CSMD1: variants seen among roughly 807,000 people sequenced by gnomAD.
The protein encoded by CSMD1 is CUB and sushi domain-containing protein 1.
In CSMD1, 213 loss-of-function variants were observed where a neutral mutation model predicts 417.5. The observed-to-expected ratio is 0.51, with a 90% CI of 0.46 to 0.57. CSMD1 has a LOEUF of 0.57. Among genes scored for constraint, CSMD1 ranks in the 20% least tolerant of loss-of-function variants. The pLI is 0.00. For synonymous variants in CSMD1, 2,862 were observed against 1,736.8 expected (o/e 1.65, Z -16.11); for missense variants, 6,923 against 4,529.7 (o/e 1.53, Z -15.17).
At chr8:4,295,115 CACACATATAATCTTAAGATTAT>C (rs1797589602) in intron 3 of CSMD1, among the ~76,000 whole-genome samples, 1 of 87,352 alleles carries the variant, frequency 1.1e-5, no homozygotes, top group Non-Finnish European at 2.9e-5. Flanking sequence ...CTTAAGATTA[CACACATATAATCTTAAGATTAT>C]ATAATCTTAA....
intron 3 of CSMD1, among the ~76,000 whole-genome samples, chr8:4,270,658 C>T (rs1039559238): frequency 2.0e-5 from 3 of 152,194 alleles, no homozygotes; most frequent in Admixed American, 2.0e-4. Context: ...GATCGCGTGT[C>T]TGCCAATGTA....
At chr8:3,840,781 C>G (rs694323) in intron 5 of CSMD1, among the ~76,000 whole-genome samples, 11 of 150,376 alleles carry the variant, frequency 7.3e-5, no homozygotes, top group Non-Finnish European at 1.6e-4. Flanking sequence ...CTGCAACGTC[C>G]GCCTCCTGGG....
In CSMD1 at chr8:3,516,757, G is replaced by A. The variant is rs530662315; in HGVS notation, c.1345-23031C>T. Among the ~76,000 whole-genome samples the A allele has an allele frequency of 5.9e-5, 9 of 152,206 alleles. No homozygotes were observed. In the South Asian group the frequency reaches 1.9e-3, roughly 32 times the overall value. On this transcript the variant is annotated intron_variant, in intron 10 of 69. Transcript: ENST00000635120. The stretch of plus-strand genomic sequence containing the variant: ...ATGCCTCACCACAGCAGTATACACT[G>A]CACCTTATCTGTAGTTACATAACTA...
At chr8:3,819,981 A>T (rs532318336) in intron 5 of CSMD1, among the ~76,000 whole-genome samples, 1 of 152,264 alleles carries the variant, frequency 6.6e-6, no homozygotes, top group South Asian at 2.1e-4. Context: ...CTGTCCCCAG[A>T]CTTGAATCCC....
In CSMD1 at chr8:3,223,741, A is replaced by G; in HGVS notation, c.4472T>C (p.Leu1491Ser). 6.2e-7 allele frequency: 1 copy of G among 1,613,926 alleles called. No individual in the cohort carries two copies. The highest frequency in any genetic ancestry group is 8.5e-7 in the Non-Finnish European group (1 of 1,179,820). ...CAAGAGACGGTACCTTTTGAATATC[A>G]AGGCGATGACAAAGTCCGGGTTCAC... ...VKVNPDFVIA[L>S]IFKSFNMEPS... Residue 1491 changes from leucine (L) to serine (S), a missense_variant, in exon 28 of 70, where the codon TTG (leucine) becomes TCG (serine). By Grantham distance (145) the Leu-to-Ser change is moderately radical. Coordinates refer to ENST00000635120, the MANE Select transcript of CSMD1 (RefSeq NM_033225.6).
At chr8:3,931,144 C>T (rs1012492499) in intron 5 of CSMD1, among the ~76,000 whole-genome samples, 11 of 150,572 alleles carry the variant, frequency 7.3e-5, no homozygotes, top group African/African-American at 2.7e-4. Context: ...TAGATAATTT[C>T]AGCTAAACAT....
intron 5 of CSMD1, chr8:3,949,911 A>G: frequency 2.2e-6 from 1 of 455,922 alleles, no homozygotes; most frequent in South Asian, 1.5e-5. Flanking sequence ...GGGAAGCTCC[A>G]GGTGTTGAGG....
intron 1 of CSMD1, among the ~76,000 whole-genome samples, chr8:4,741,907 C>A (rs1471841307): frequency 6.6e-6 from 1 of 150,488 alleles, no homozygotes; most frequent in Non-Finnish European, 1.5e-5. Context: ...GATCACAGCT[C>A]ACTGCAGCTT....
At chr8:3,483,687 AAG>A (rs1817866852) in intron 11 of CSMD1, among the ~76,000 whole-genome samples, 1 of 152,178 alleles carries the variant, frequency 6.6e-6, no homozygotes, top group South Asian at 2.1e-4. Context: ...ACAAAAAAGA[AAG>A]AGAAAACTAT....
intron 49 of CSMD1, among the ~76,000 whole-genome samples, chr8:3,071,326 G>A (rs1301059588): frequency 5.3e-5 from 8 of 152,052 alleles, no homozygotes; most frequent in Admixed American, 5.2e-4. Flanking sequence ...ACAGGGAAGG[G>A]AACATCACAC....
intron 2 of CSMD1, among the ~76,000 whole-genome samples, chr8:4,573,905 C>A (rs557496357): frequency 7.0e-4 from 107 of 152,264 alleles, no homozygotes; most frequent in African/African-American, 2.4e-3. Context: ...AACTTCCTGG[C>A]AGCTATGTTT....
chr8:3,500,233 A>T (rs543777920), intron 10 of CSMD1, among the ~76,000 whole-genome samples: 6 of 152,148 alleles, frequency 3.9e-5, no homozygotes, highest in Admixed American at 6.5e-5. Context: ...TGCACTTGAC[A>T]TGTGCTTACC....
chr8:3,926,049 C>CAT (rs1219105288), intron 5 of CSMD1, among the ~76,000 whole-genome samples: 4 of 37,382 alleles, frequency 1.1e-4, no homozygotes, highest in African/African-American at 7.9e-4. Context: ...ACACAAACAC[C>CAT]ATATACACAC....
intron 1 of CSMD1, among the ~76,000 whole-genome samples, chr8:4,810,018 T>C (rs1049529003): frequency 3.3e-5 from 5 of 152,228 alleles, no homozygotes; most frequent in African/African-American, 9.6e-5. Flanking sequence ...TGCCAAGTGC[T>C]TAGAATGAGG....
At chr8:3,466,803 G>C (rs1244205229) in intron 12 of CSMD1, among the ~76,000 whole-genome samples, 1 of 151,944 alleles carries the variant, frequency 6.6e-6, no homozygotes, top group African/African-American at 2.4e-5. Flanking sequence ...ACGCATAAAG[G>C]TCACTTTTAT....
intron 6 of CSMD1, among the ~76,000 whole-genome samples, chr8:3,713,517 C>A (rs1178149289): frequency 6.6e-6 from 1 of 152,126 alleles, no homozygotes; most frequent in East Asian, 1.9e-4. Context: ...GCCCCAGCCC[C>A]CACAGCCAGA....
intron 51 of CSMD1, among the ~76,000 whole-genome samples, chr8:3,022,400 T>C (rs891643577): frequency 6.6e-6 from 1 of 152,216 alleles, no homozygotes; most frequent in South Asian, 2.1e-4. Flanking sequence ...GCGTCCGGAA[T>C]GCACGTGCAA....
chr8:3,023,960 G>A (rs374766506), intron 51 of CSMD1, among the ~76,000 whole-genome samples: 15 of 152,184 alleles, frequency 9.9e-5, no homozygotes, highest in African/African-American at 3.4e-4. Flanking sequence ...AACATAGAGA[G>A]TGACACTGTG....
intron 21 of CSMD1, among the ~76,000 whole-genome samples, chr8:3,354,967 G>C (rs1406412242): frequency 1.3e-5 from 1 of 79,702 alleles, no homozygotes; most frequent in Non-Finnish European, 2.5e-5. Context: ...AGAGAGTTTA[G>C]TGTTAAACTA....
Sources: allele counts gnomAD v4.1 joint callset (sites outside exome capture counted in the v4.1 genomes callset), GRCh38; gene constraint gnomAD v4.1.1; transcripts MANE v1.5; gene names NCBI Gene and HGNC (gene_info 2026-07-23, HGNC 2026-07-21).